CNTNAP2: variants seen among roughly 807,000 people sequenced by gnomAD.
CNTNAP2 encodes contactin-associated protein-like 2.
In CNTNAP2, 98 loss-of-function variants were observed where a neutral mutation model predicts 155.2. That is an observed-to-expected ratio of 0.63 (90% CI 0.54 to 0.75). The LOEUF is 0.75. CNTNAP2 is among the 30% of genes least tolerant of loss of function. The pLI is 0.00. For missense variants in CNTNAP2, 1,727 were observed against 1,688.1 expected (o/e 1.02, Z -0.40); for synonymous variants, 651 against 631.2 (o/e 1.03, Z -0.47).
intron 22 of CNTNAP2, among the ~76,000 whole-genome samples, chr7:148,395,877 T>A (rs1218903388): frequency 1.3e-5 from 2 of 152,166 alleles, no homozygotes; most frequent in South Asian, 4.1e-4. Flanking sequence ...AAGGTCATTG[T>A]TTTTTCCCCT....
chr7:147,786,323 G>T (rs1797738990), intron 13 of CNTNAP2, among the ~76,000 whole-genome samples: 1 of 152,016 alleles, frequency 6.6e-6, no homozygotes, highest in South Asian at 2.1e-4. Context: ...GCATACTCTA[G>T]GATGGGCAGG....
intron 3 of CNTNAP2, among the ~76,000 whole-genome samples, chr7:146,942,815 A>G (rs937800131): frequency 2.0e-5 from 3 of 152,214 alleles, no homozygotes; most frequent in Non-Finnish European, 4.4e-5. Flanking sequence ...TTTCCAAAAT[A>G]TCGACATTGA....
intron 1 of CNTNAP2, among the ~76,000 whole-genome samples, chr7:146,348,210 G>A (rs1794846359): frequency 6.6e-6 from 1 of 152,086 alleles, no homozygotes; most frequent in Non-Finnish European, 1.5e-5. Context: ...CCTGAAGTCA[G>A]GAGTTCAAGA....
intron 1 of CNTNAP2, among the ~76,000 whole-genome samples, chr7:146,484,079 A>G (rs1032671959): frequency 2.6e-5 from 4 of 152,212 alleles, no homozygotes; most frequent in African/African-American, 9.6e-5. Flanking sequence ...TTACTGTACT[A>G]TTTTTATGTT....
chr7:146,938,588 C>T (rs963641450), intron 3 of CNTNAP2, among the ~76,000 whole-genome samples: 1 of 151,760 alleles, frequency 6.6e-6, no homozygotes, highest in Admixed American at 6.6e-5. Context: ...CTCATTAATG[C>T]TCCATCACTT....
intron 11 of CNTNAP2, among the ~76,000 whole-genome samples, chr7:147,552,105 A>C (rs1799863620): frequency 6.6e-6 from 1 of 152,128 alleles, no homozygotes; most frequent in Admixed American, 6.5e-5. Context: ...CACAAAAAGG[A>C]GTTCTGATTC....
intron 21 of CNTNAP2, among the ~76,000 whole-genome samples, chr7:148,357,699 G>A (rs961509077): frequency 1.3e-5 from 2 of 152,152 alleles, no homozygotes; most frequent in African/African-American, 4.8e-5. Context: ...CTGTTTCTCT[G>A]TGCCTCACAG....
At chr7:146,435,726 T>C (rs1222335308) in intron 1 of CNTNAP2, among the ~76,000 whole-genome samples, 1 of 152,194 alleles carries the variant, frequency 6.6e-6, no homozygotes, top group Non-Finnish European at 1.5e-5. Context: ...AGTAAACATA[T>C]ATTTCAACCC....
chr7:146,997,868 T>C (rs1798341688), intron 3 of CNTNAP2, among the ~76,000 whole-genome samples: 1 of 152,114 alleles, frequency 6.6e-6, no homozygotes, highest in Non-Finnish European at 1.5e-5. Flanking sequence ...TATACTATTT[T>C]GTATACCTAT....
intron 11 of CNTNAP2, among the ~76,000 whole-genome samples, chr7:147,515,730 T>G (rs1799115029): frequency 6.6e-6 from 1 of 152,332 alleles, no homozygotes; most frequent in South Asian, 2.1e-4. Flanking sequence ...CTGTCTATTA[T>G]GTTTATAATT....
At chr7:146,797,488 C>T (rs1240384313) in intron 2 of CNTNAP2, among the ~76,000 whole-genome samples, 1 of 152,112 alleles carries the variant, frequency 6.6e-6, no homozygotes, top group Non-Finnish European at 1.5e-5. Context: ...CACTAATAAC[C>T]AAGTATGCCT....
chr7:148,227,934 T>TGTGTGTGA (rs1491245184), intron 19 of CNTNAP2, among the ~76,000 whole-genome samples: 2 of 136,880 alleles, frequency 1.5e-5, no homozygotes, highest in South Asian at 2.3e-4. Flanking sequence ...TGTGTGTGTG[T>TGTGTGTGA]GAAAGTCTGG....
At chr7:147,096,528 T>C (rs1800538713) in intron 4 of CNTNAP2, among the ~76,000 whole-genome samples, 1 of 152,174 alleles carries the variant, frequency 6.6e-6, no homozygotes, top group Admixed American at 6.5e-5. Context: ...TCTCTCTTGG[T>C]CATATTGCTA....
rs539186602 is a variant in CNTNAP2, at chr7:147,737,681, C to T, written c.2098+98375C>T. Among the ~76,000 whole-genome samples the T allele has an allele frequency of 1.1e-3, 174 of 152,286 alleles. 1 individual carries two copies. The highest frequency in any genetic ancestry group is 3.7e-3 in the African/African-American group (154 of 41,562). Reference sequence around the variant, plus strand: ...TGGGCTCCACCCAGTTTGAGTTTCCCGGCCACTTTGTTTACCTACTCAAGC... The same window carrying T: ...TGGGCTCCACCCAGTTTGAGTTTCCTGGCCACTTTGTTTACCTACTCAAGC... On this transcript the variant is annotated intron_variant, in intron 13 of 23. Transcript: ENST00000361727.
intron 1 of CNTNAP2, among the ~76,000 whole-genome samples, chr7:146,423,544 A>G (rs1796044561): frequency 6.6e-6 from 1 of 152,204 alleles, no homozygotes; most frequent in African/African-American, 2.4e-5. Flanking sequence ...GGATAAAGAC[A>G]GGATATTTGT....
At chr7:148,330,236 GGATGGAATGGATC>G (rs1797964327) in intron 21 of CNTNAP2, among the ~76,000 whole-genome samples, 2 of 59,324 alleles carry the variant, frequency 3.4e-5, no homozygotes, top group African/African-American at 6.1e-5. Context: ...TGGAATGGAT[GGATGGAATGGATC>G]GATGGAGTGG....
chr7:146,240,155 G>A (rs1424077624), intron 1 of CNTNAP2, among the ~76,000 whole-genome samples: 1 of 152,086 alleles, frequency 6.6e-6, no homozygotes, highest in East Asian at 1.9e-4. Flanking sequence ...TTTTCCTTTG[G>A]CTTCCATGAA....
At chr7:146,839,442 CTAA>C (rs554278807) in intron 2 of CNTNAP2, among the ~76,000 whole-genome samples, 226 of 151,994 alleles carry the variant, frequency 1.5e-3, no homozygotes, top group African/African-American at 5.4e-3. Context: ...TTGACATGTA[CTAA>C]TAAGATCTAA....
At chr7:147,769,410 T>C (rs1797432830) in intron 13 of CNTNAP2, among the ~76,000 whole-genome samples, 1 of 152,176 alleles carries the variant, frequency 6.6e-6, no homozygotes, top group African/African-American at 2.4e-5. Context: ...GTAAATATCA[T>C]TTTTCTTCTG....
Sources: gnomAD v4.1 joint callset for allele counts (sites outside exome capture counted in the v4.1 genomes callset) on GRCh38, gnomAD v4.1.1 for gene constraint, MANE v1.5 for transcripts, NCBI Gene and HGNC (gene_info 2026-07-23, HGNC 2026-07-21) for gene names.